Variants in SIPA1L1 observed in about 807,000 individuals in gnomAD.
The protein encoded by SIPA1L1 is signal induced proliferation associated 1 like 1.
SIPA1L1 carries 26 observed loss-of-function variants against 162.7 expected under a neutral mutation model. The observed-to-expected ratio is 0.16, with a 90% CI of 0.12 to 0.22. The LOEUF is 0.22. Ranked by LOEUF, SIPA1L1 falls within the 10% of genes least tolerant of loss-of-function variation. The pLI is 1.00. For missense variants in SIPA1L1, 1,874 were observed against 2,241.0 expected (o/e 0.84, Z 3.31); for synonymous variants, 829 against 837.4 (o/e 0.99, Z 0.17).
chr14:71,517,678 C>T (rs1445080977), intron 3 of SIPA1L1, among the ~76,000 whole-genome samples: 1 of 152,156 alleles, frequency 6.6e-6, no homozygotes, highest in African/African-American at 2.4e-5. Flanking sequence ...ACAGCTTTGC[C>T]ACATTCTTGA....
At chr14:71,504,482 A>G (rs903653995) in intron 2 of SIPA1L1, among the ~76,000 whole-genome samples, 8 of 152,186 alleles carry the variant, frequency 5.3e-5, no homozygotes, top group African/African-American at 1.9e-4. Flanking sequence ...TTGTAGTTAT[A>G]TAGTAACACG....
At chr14:71,514,401 G>T (rs2051491354) in intron 3 of SIPA1L1, among the ~76,000 whole-genome samples, 1 of 152,134 alleles carries the variant, frequency 6.6e-6, no homozygotes, top group Non-Finnish European at 1.5e-5. Context: ...TCCCTAGAAG[G>T]TCATACTCTG....
chr14:71,691,200 C>G (rs140691475), intron 13 of SIPA1L1, among the ~76,000 whole-genome samples: 209 of 152,336 alleles, frequency 1.4e-3, no homozygotes, highest in Non-Finnish European at 2.5e-3. Context: ...GAAGGATGAC[C>G]TAATAAAAAT....
At chr14:71,447,085 T>G (rs1339849679) in intron 2 of SIPA1L1, among the ~76,000 whole-genome samples, 1 of 142,102 alleles carries the variant, frequency 7.0e-6, no homozygotes, top group Non-Finnish European at 1.5e-5. Flanking sequence ...CTAATTACAT[T>G]TTTTTTTTTT....
chr14:71,440,992 A>G (rs537784795), intron 2 of SIPA1L1, among the ~76,000 whole-genome samples: 269 of 152,336 alleles, frequency 1.8e-3, no homozygotes, highest in Non-Finnish European at 3.0e-3. Context: ...TCTTTAAAAG[A>G]TATCACTAAG....
At chr14:71,458,972 T>C (rs994909433) in intron 2 of SIPA1L1, among the ~76,000 whole-genome samples, 6 of 151,932 alleles carry the variant, frequency 3.9e-5, no homozygotes, top group Admixed American at 3.3e-4. Context: ...ACTTGGAGGC[T>C]GAGGCAGGAG....
chr14:71,505,664 A>G (rs2050604389), intron 2 of SIPA1L1, among the ~76,000 whole-genome samples: 3 of 152,096 alleles, frequency 2.0e-5, no homozygotes, highest in Admixed American at 2.0e-4. Flanking sequence ...GGTATATTAC[A>G]AGTTGAACAT....
Position 71,409,553 on chromosome 14 carries a change from T to C in SIPA1L1, c.-465+88372T>C, listed in dbSNP as rs548594555. ...TAGGTTTCACCTTTAGTAAAAGGAC[T>C]GGGTCCTTTTGGAGAAAGGACCTTT... On this transcript the variant is annotated intron_variant, in intron 2 of 23. Transcript: ENST00000381232. Among the ~76,000 whole-genome samples, 238 of 152,316 alleles carry C rather than the reference T, an allele frequency of 1.6e-3. 2 individuals carry two copies. Among genetic ancestry groups the C allele is most frequent in the African/African-American group, 5.6e-3 (233 of 41,568 alleles).
chr14:71,702,196 T>G (rs1031558982), intron 14 of SIPA1L1, 185 bp from the exon 15 acceptor site: 2 of 599,344 alleles, frequency 3.3e-6, no homozygotes, highest in Admixed American at 6.2e-5. Flanking sequence ...GTGGTGTATA[T>G]TGACCACAAC....
intron 20 of SIPA1L1, among the ~76,000 whole-genome samples, chr14:71,731,571 C>G (rs1257777186): frequency 6.6e-6 from 1 of 152,194 alleles, no homozygotes; most frequent in Non-Finnish European, 1.5e-5. Context: ...TTTGATTGCT[C>G]TCTTATTTCT....
intron 19 of SIPA1L1, among the ~76,000 whole-genome samples, chr14:71,726,174 A>C (rs568020367): frequency 6.6e-6 from 1 of 152,372 alleles, no homozygotes; most frequent in African/African-American, 2.4e-5. Flanking sequence ...AACATGATTT[A>C]TGTTAATAAA....
chr14:71,327,080 C>CT (rs532549428), intron 2 of SIPA1L1, among the ~76,000 whole-genome samples: 2,007 of 127,702 alleles, frequency 0.016, 14 homozygotes, highest in Non-Finnish European at 0.022. Flanking sequence ...TGATTGAAAT[C>CT]TTTTTTTTTT....
At chr14:71,692,025 T>C (rs1230966151) in intron 13 of SIPA1L1, among the ~76,000 whole-genome samples, 1 of 152,224 alleles carries the variant, frequency 6.6e-6, no homozygotes. Flanking sequence ...TAAGAAGAGT[T>C]TCCTCAACTT....
chr14:71,466,831 C>T (rs2047038805), intron 2 of SIPA1L1, among the ~76,000 whole-genome samples: 2 of 152,224 alleles, frequency 1.3e-5, no homozygotes, highest in African/African-American at 4.8e-5. Flanking sequence ...TGCACAGAAC[C>T]AATGTAATGG....
intron 4 of SIPA1L1, among the ~76,000 whole-genome samples, chr14:71,580,936 C>T (rs1292827360): frequency 6.6e-6 from 1 of 151,990 alleles, no homozygotes; most frequent in Non-Finnish European, 1.5e-5. Flanking sequence ...CATTGTCAGT[C>T]CTTTGGTGAA....
chr14:71,519,901 G>A, intron 3 of SIPA1L1, among the ~76,000 whole-genome samples: 1 of 152,088 alleles, frequency 6.6e-6, no homozygotes, highest in East Asian at 1.9e-4. Flanking sequence ...AATAGTAATG[G>A]ATTATAACCC....
At chr14:71,491,744 C>T (rs2049273908) in intron 2 of SIPA1L1, among the ~76,000 whole-genome samples, 1 of 134,242 alleles carries the variant, frequency 7.4e-6, no homozygotes, top group South Asian at 2.5e-4. Flanking sequence ...CCGTTTCAGG[C>T]TTAATGTTTT....
At chr14:71,624,394 C>T (rs2148605391) in intron 7 of SIPA1L1, among the ~76,000 whole-genome samples, 158 bp downstream of exon 7, 1 of 152,098 alleles carries the variant, frequency 6.6e-6, no homozygotes, top group East Asian at 1.9e-4. Context: ...TTTCTTAACT[C>T]TGAACTCTGA....
At chr14:71,452,330 G>A (rs367772136) in intron 2 of SIPA1L1, among the ~76,000 whole-genome samples, 87 of 152,216 alleles carry the variant, frequency 5.7e-4, no homozygotes, top group Middle Eastern at 3.4e-3. Context: ...TCAATGTAAT[G>A]TTTGAGAAAT....
Sources: gnomAD v4.1 joint callset for allele counts (sites outside exome capture counted in the v4.1 genomes callset) on GRCh38, gnomAD v4.1.1 for gene constraint, MANE v1.5 for transcripts, NCBI Gene and HGNC (gene_info 2026-07-23, HGNC 2026-07-21) for gene names.